ARIH1: variants seen among roughly 807,000 people sequenced by gnomAD.
The protein encoded by ARIH1 is ariadne RBR E3 ubiquitin protein ligase 1, also known as E3 ubiquitin-protein ligase ARIH1.
In ARIH1, 8 loss-of-function variants were observed where a neutral mutation model predicts 85.0. The ratio of observed to expected loss-of-function variants is 0.09; its 90% confidence interval spans 0.06 to 0.17. The LOEUF is 0.17. ARIH1 is among the 10% of genes least tolerant of loss of function. ARIH1 has a pLI of 1.00. For synonymous variants in ARIH1, 238 were observed against 253.6 expected, an observed-to-expected ratio of 0.94 and a Z score of 0.59; for missense variants, 311 against 718.1, an observed-to-expected ratio of 0.43 and a Z score of 6.48.
chr15:72,506,361 A>AAAAAAAAAAAAG (rs1216864675), intron 1 of ARIH1, among the ~76,000 whole-genome samples: 6 of 148,950 alleles, frequency 4.0e-5, no homozygotes, highest in East Asian at 3.9e-4. Flanking sequence ...CAAAAAAAAA[A>AAAAAAAAAAAAG]AAAAGAAAAA....
chr15:72,524,823 A>T (rs1354618927), intron 2 of ARIH1, among the ~76,000 whole-genome samples: 3 of 152,230 alleles, frequency 2.0e-5, no homozygotes, highest in Non-Finnish European at 4.4e-5. Context: ...AATGATACTT[A>T]TAAATATAGC....
chr15:72,570,360 A>C, intron 10 of ARIH1, 53 bp downstream of exon 10: 1 of 1,601,926 alleles, frequency 6.2e-7, no homozygotes, highest in Non-Finnish European at 8.5e-7. Context: ...TGTGCCATGT[A>C]TTATGAATAA....
intron 12 of ARIH1, 76 bp from the exon 13 acceptor site, chr15:72,581,999 A>T: frequency 1.1e-6 from 1 of 951,516 alleles, no homozygotes; most frequent in Admixed American, 2.0e-5. Context: ...AGCAGTCTGT[A>T]GTCAACAAAA....
At chr15:72,500,976 C>T (rs1312694153) in intron 1 of ARIH1, among the ~76,000 whole-genome samples, 2 of 152,124 alleles carry the variant, frequency 1.3e-5, no homozygotes, top group African/African-American at 2.4e-5. Flanking sequence ...TTTAAAATAT[C>T]GTCAGGAAGT....
intron 1 of ARIH1, among the ~76,000 whole-genome samples, chr15:72,479,081 T>G (rs1391668987): frequency 6.6e-6 from 1 of 152,116 alleles, no homozygotes; most frequent in Admixed American, 6.6e-5. Flanking sequence ...CCTCAAGCGC[T>G]CCTTGAACCT....
intron 1 of ARIH1, among the ~76,000 whole-genome samples, chr15:72,511,934 A>G (rs574662942): frequency 1.3e-5 from 2 of 151,018 alleles, no homozygotes; most frequent in East Asian, 3.9e-4. Context: ...CTATCCTGTG[A>G]CTTTTCTTCA....
chr15:72,579,060 A>G (rs1206094608), intron 11 of ARIH1, among the ~76,000 whole-genome samples: 3 of 152,172 alleles, frequency 2.0e-5, no homozygotes, highest in African/African-American at 4.8e-5. Flanking sequence ...CTAGGATTAC[A>G]GGCATGAGCC....
rs538844481 is a variant in ARIH1, at chr15:72,579,028, C to T, written c.1216-1703C>T. Among the ~76,000 whole-genome samples the T allele has an allele frequency of 3.9e-5, 6 of 152,238 alleles. No homozygotes were observed. In the East Asian group the frequency reaches 5.8e-4, roughly 15 times the overall value. On this transcript the variant is annotated intron_variant, in intron 11 of 13. Coordinates refer to ENST00000379887, the MANE Select transcript of ARIH1 (RefSeq NM_005744.5). ...CAAACTCCTGAGCTCAGGCAATCCA[C>T]CCGCCTCAGCCTCCCAAAGTGCTAG... is the stretch of plus-strand genomic sequence containing the variant.
rs545232756 is a variant in ARIH1, at chr15:72,586,973, AAAG to A, written c.*3685_*3687del. 252 of 338,000 alleles carry A rather than the reference AAAG, an allele frequency of 7.5e-4. No individual in the cohort carries two copies. The highest frequency in any genetic ancestry group is 1.3e-3 in the Non-Finnish European group (222 of 176,484). 20.9% of individuals were successfully genotyped at this position (338,000 alleles called of 1,614,324 possible). ...ATAGGGATGAAGGGAGAGTTTTCTT[AAAG>A]AAGGTCCCAAAGTTGAAGATCGTTT... On this transcript the variant is annotated 3_prime_UTR_variant, in exon 14 of 14. Coordinates refer to ENST00000379887, the MANE Select transcript of ARIH1 (RefSeq NM_005744.5).
intron 3 of ARIH1, among the ~76,000 whole-genome samples, chr15:72,549,279 G>C (rs8035007): frequency 6.6e-6 from 1 of 151,772 alleles, no homozygotes; most frequent in Admixed American, 6.6e-5. Flanking sequence ...GTAGACATGG[G>C]GTTCCACCAT....
At chr15:72,509,320 C>T (rs1454250507) in intron 1 of ARIH1, among the ~76,000 whole-genome samples, 1 of 152,130 alleles carries the variant, frequency 6.6e-6, no homozygotes, top group East Asian at 1.9e-4. Context: ...AACTTCACTA[C>T]AGGTGCTCCA....
chr15:72,565,829 ATTTATC>A lies in ARIH1; in HGVS notation c.912-731_912-726del, dbSNP rs573416998. 3.3e-5 allele frequency among the ~76,000 whole-genome samples: 5 copies of A among 152,286 alleles called. No individual in the cohort carries two copies. In the East Asian group the frequency reaches 9.6e-4, roughly 29 times the overall value. ...CCCATCTTTCTTTTCAGAAATAACC[ATTTATC>A]TTAACCTGATTTAAATCAATAGTAG... is the stretch of plus-strand genomic sequence containing the variant. On this transcript the variant is annotated intron_variant, in intron 7 of 13. Transcript: ENST00000379887.
intron 1 of ARIH1, among the ~76,000 whole-genome samples, chr15:72,510,184 A>G (rs1367918200): frequency 6.6e-6 from 1 of 152,144 alleles, no homozygotes; most frequent in Non-Finnish European, 1.5e-5. Context: ...TAGATTTTTA[A>G]AAAATTATTC....
intron 9 of ARIH1, among the ~76,000 whole-genome samples, chr15:72,568,726 A>C (rs2064231324): frequency 6.6e-6 from 1 of 152,206 alleles, no homozygotes; most frequent in Admixed American, 6.5e-5. Flanking sequence ...AGAATGACGC[A>C]TATTTTATGC....
At chr15:72,499,241 G>A (rs2063893037) in intron 1 of ARIH1, among the ~76,000 whole-genome samples, 1 of 151,544 alleles carries the variant, frequency 6.6e-6, no homozygotes, top group African/African-American at 2.4e-5. Context: ...CTCCCAAAGT[G>A]TTGGCGTGAG....
chr15:72,519,484 T>G (rs1015750880), intron 2 of ARIH1, among the ~76,000 whole-genome samples: 111 of 127,498 alleles, frequency 8.7e-4, no homozygotes, highest in African/African-American at 1.8e-3. Flanking sequence ...TGTTTTTTTT[T>G]TTTTTTTTTT....
intron 3 of ARIH1, among the ~76,000 whole-genome samples, chr15:72,547,706 C>G (rs961139643): frequency 6.6e-6 from 1 of 152,168 alleles, no homozygotes; most frequent in Non-Finnish European, 1.5e-5. Context: ...TTAACAGATT[C>G]TCCTTGCCAG....
intron 1 of ARIH1, among the ~76,000 whole-genome samples, chr15:72,510,516 G>A (rs1263322055): frequency 1.3e-5 from 2 of 151,606 alleles, no homozygotes; most frequent in Non-Finnish European, 2.9e-5. Flanking sequence ...AGGCCGAGGC[G>A]GGTGGATCAC....
chr15:72,485,393 T>G (rs1255460219), intron 1 of ARIH1, among the ~76,000 whole-genome samples: 2 of 152,220 alleles, frequency 1.3e-5, no homozygotes, highest in African/African-American at 4.8e-5. Context: ...TGGATTATTT[T>G]AATGCACATC....
Sources: gnomAD v4.1 joint callset for allele counts (sites outside exome capture counted in the v4.1 genomes callset) on GRCh38, gnomAD v4.1.1 for gene constraint, MANE v1.5 for transcripts, NCBI Gene and HGNC (gene_info 2026-07-23, HGNC 2026-07-21) for gene names.